The following SORBS3 variants were observed in gnomAD, a reference collection of about 807,000 sequenced individuals.
SORBS3 encodes the protein vinexin.
A neutral mutation model predicts 98.0 loss-of-function variants in SORBS3; 69 were observed. The observed-to-expected ratio is 0.70, with a 90% confidence interval of 0.58 to 0.86. SORBS3 has a LOEUF of 0.86. Ranked by LOEUF, SORBS3 falls within the 40% of genes least tolerant of loss-of-function variation. The pLI, the probability that SORBS3 is intolerant of heterozygous loss-of-function variation, is 0.00. For missense variants in SORBS3, 954 were observed against 908.5 expected (o/e 1.05, Z -0.64); for synonymous variants, 394 against 355.4 (o/e 1.11, Z -1.22).
In SORBS3 at chr8:22,558,136, A is replaced by T. The variant is rs1215082234; in HGVS notation, c.422A>T (p.Asp141Val). Residue 141 changes from aspartate to valine, a missense_variant, in exon 5 of 21, where the codon GAC becomes GTC. Coordinates refer to ENST00000240123, the MANE Select transcript of SORBS3 (RefSeq NM_005775.5). ...GMPIAPRSSVDRPRDWYRRMF... is the reference protein window; with the variant it reads ...GMPIAPRSSVVRPRDWYRRMF... ...TGCATTTTCTGATCCCAGAGCGTTG[A>T]CAGACCCAGAGACTGGTACCGGAGA... 2 of 1,614,148 alleles carry T rather than the reference A, an allele frequency of 1.2e-6. No individual in the cohort carries two copies. The highest frequency in any genetic ancestry group is 1.3e-5 in the African/African-American group (1 of 75,024).
chr8:22,571,625 C>A, intron 18 of SORBS3, 93 bp from the exon 19 acceptor site: 1 of 915,250 alleles, frequency 1.1e-6, no homozygotes, highest in African/African-American at 1.6e-5. Flanking sequence ...GGCAGGTGGA[C>A]TGGGAACGCC....
chr8:22,563,944 C>A, intron 7 of SORBS3, 43 bp from the exon 8 acceptor site: 1 of 1,486,554 alleles, frequency 6.7e-7, no homozygotes. Context: ...CTGCCTCAGT[C>A]TCCCTAAAAG....
At position 22,565,840 on chromosome 8, in the gene SORBS3, C is replaced by T; in HGVS notation, c.918C>T (p.Pro306=). The change falls in exon 12 of 21, where the codon CCC becomes CCT. Residue 306 remains proline, a synonymous_variant. Coordinates refer to ENST00000240123, the MANE Select transcript of SORBS3 (RefSeq NM_005775.5). ...TCCCCGCGCAGAGCTCGCCGGCGCC[C>T]CGACGGGCCCCGGAGCAGCGGCCCC... ...RLPSPKSSPA[P]RRAPEQRPPA... The T allele has an allele frequency of 7.7e-7, 1 of 1,297,980 alleles. No homozygotes were observed. Among genetic ancestry groups the T allele is most frequent in the Non-Finnish European group, 9.8e-7 (1 of 1,020,746 alleles). The allele number at this position is 1,297,980 out of a possible 1,614,324, so 80.4% of individuals were successfully genotyped here. A position where few individuals can be genotyped will look rare whatever the true frequency, so the allele number is the denominator to read the frequency against.
intron 5 of SORBS3, among the ~76,000 whole-genome samples, chr8:22,560,410 A>G (rs1840268244): frequency 6.6e-6 from 1 of 152,190 alleles, no homozygotes; most frequent in African/African-American, 2.4e-5. Context: ...CTGGATGCTT[A>G]GAAGTTTGAG....
intron 20 of SORBS3, 92 bp from the exon 21 acceptor site, chr8:22,574,575 T>G (rs1400095740): frequency 7.7e-7 from 1 of 1,305,740 alleles, no homozygotes; most frequent in Non-Finnish European, 1.1e-6. Flanking sequence ...CCCCTACAGT[T>G]CTGGGCACTG....
Position 22,567,184 on chromosome 8 carries a change from G to T in SORBS3, c.1305+9G>T, listed in dbSNP as rs985679387. On this transcript the variant is annotated intron_variant, in intron 16 of 20. Coordinates refer to ENST00000240123, the MANE Select transcript of SORBS3 (RefSeq NM_005775.5). ...CTGCTAATTATGTGGAGGTGAGCAG[G>T]AGAGACAAGAGCAAGTGGGGCTGGG... is the stretch of plus-strand genomic sequence containing the variant. 1 of 1,543,228 alleles carries T rather than the reference G, an allele frequency of 6.5e-7. No homozygotes were observed. The highest frequency in any genetic ancestry group is 1.4e-5 in the African/African-American group (1 of 73,614).
At position 22,567,316 on chromosome 8, in the gene SORBS3, C is replaced by T; in HGVS notation, c.1305+141C>T. ...GTCTCGGAACTGTCCTTGGCCCCCA[C>T]AGGGCTTGGCCCAATGCTGTGCATG... On this transcript the variant is annotated intron_variant, in intron 16 of 20. Transcript: ENST00000240123. 2 of 637,288 alleles carry T rather than the reference C, an allele frequency of 3.1e-6. 1 individual carries two copies. Among genetic ancestry groups the T allele is most frequent in the South Asian group, 3.7e-5 (2 of 53,378 alleles). 39.5% of individuals were successfully genotyped at this position (637,288 alleles called of 1,614,324 possible). A position where few individuals can be genotyped will look rare whatever the true frequency, so the allele number is the denominator to read the frequency against.
intron 12 of SORBS3, chr8:22,566,114 T>C: frequency 1.7e-6 from 1 of 582,568 alleles, no homozygotes; most frequent in East Asian, 3.5e-5. Context: ...CGCAGCGCGG[T>C]TAGGGCGGCC....
intron 11 of SORBS3, 176 bp from the exon 12 acceptor site, chr8:22,565,650 G>A (rs1270640695): frequency 2.9e-6 from 3 of 1,051,538 alleles, no homozygotes; most frequent in African/African-American, 1.7e-5. Context: ...GGGGACCCCC[G>A]CCCCTTCCCC....
chr8:22,551,889 G>A (rs752091), upstream of SORBS3: 308,576 of 984,908 alleles, frequency 0.31, 50,699 homozygotes, highest in East Asian at 0.47. This position sits in a 1 kb window ranked among gnomAD's most constrained non-coding sequence, Gnocchi z 5.8. Context: ...GTCCTGACCC[G>A]GTCACGAGGG....
intron 7 of SORBS3, 31 bp downstream of exon 7, chr8:22,561,962 C>G: frequency 1.2e-6 from 2 of 1,605,592 alleles, no homozygotes. Context: ...CCGAGGGCTG[C>G]GGAGGGGCGC....
In SORBS3 at chr8:22,554,265, C is replaced by T. The variant is rs1840141807; in HGVS notation, c.-55-187C>T. On this transcript the variant is annotated intron_variant, in intron 1 of 20. Transcript: ENST00000240123. The surrounding 1 kb of genome is among the most constrained non-coding windows in gnomAD (Gnocchi z 6.5). ...AGTGGTCCATTGTGCCCCTGGGAGC[C>T]GGCAGGCACGGGCAGCCTGCAGGCG... 1 of 490,154 alleles carries T rather than the reference C, an allele frequency of 2.0e-6. No homozygotes were observed. The allele number at this position is 490,154 out of a possible 1,614,324, so 30.4% of individuals were successfully genotyped here.
At position 22,574,791 on chromosome 8, in the gene SORBS3, G is replaced by C. The variant is rs774764584; in HGVS notation, c.*63G>C. On this transcript the variant is annotated 3_prime_UTR_variant, in exon 21 of 21. Transcript: ENST00000240123. The stretch of plus-strand genomic sequence containing the variant: ...GTGGGGAGCGGTGGCACTCGTGGGA[G>C]GGAGAGGACCCCCGCCCACATCCTC... 6.7e-7 allele frequency: 1 copy of C among 1,499,538 alleles called. No homozygotes were observed. The highest frequency in any genetic ancestry group is 9.3e-7 in the Non-Finnish European group (1 of 1,076,494). The allele number at this position is 1,499,538 out of a possible 1,614,324, so 92.9% of individuals were successfully genotyped here. A position where few individuals can be genotyped will look rare whatever the true frequency, so the allele number is the denominator to read the frequency against.
chr8:22,546,246 C>T (rs1840014769), intron 1 of SORBS3, among the ~76,000 whole-genome samples: 1 of 152,014 alleles, frequency 6.6e-6, no homozygotes, highest in Non-Finnish European at 1.5e-5. Context: ...AAGAAAACAC[C>T]CTTAAATGAT....
At chr8:22,570,006 T>G (rs1840530444) in intron 17 of SORBS3, among the ~76,000 whole-genome samples, 1 of 152,250 alleles carries the variant, frequency 6.6e-6, no homozygotes, top group African/African-American at 2.4e-5. Flanking sequence ...TAGGCAGTTC[T>G]GTGTATGCAC....
At chr8:22,564,807 T>G in intron 10 of SORBS3, 1 of 1,334,582 alleles carries the variant, frequency 7.5e-7, no homozygotes, top group East Asian at 3.1e-5. Context: ...AGCTGGACCC[T>G]TGAGAAGCTC....
At chr8:22,552,937 C>T (rs1840112786) in intron 1 of SORBS3, among the ~76,000 whole-genome samples, 1 of 152,174 alleles carries the variant, frequency 6.6e-6, no homozygotes. Context: ...GCCCTCCACT[C>T]CCCCCAGTCA....
Position 22,566,885 on chromosome 8 carries a change from C to T in SORBS3, c.1190+17C>T, listed in dbSNP as rs768918487. 2.5e-6 allele frequency: 4 copies of T among 1,603,268 alleles called. No individual in the cohort carries two copies. The East Asian group carries it at 9.1e-5, about 36-fold the overall frequency. ...GTCCCCCAAGTAAGCGCCCTCCTCC[C>T]CCTCCCCTTCCACCCAAGGCAATCT... is the stretch of plus-strand genomic sequence containing the variant. On this transcript the variant is annotated intron_variant, in intron 15 of 20. Transcript: ENST00000240123.
At chr8:22,550,595 A>G (rs956291930), upstream of SORBS3, among the ~76,000 whole-genome samples, 2 of 152,202 alleles carry the variant, frequency 1.3e-5, no homozygotes, top group African/African-American at 4.8e-5. Context: ...CTTTACCAGA[A>G]CGAGGGAGAA....
Sources: gnomAD v4.1 joint callset for allele counts (sites outside exome capture counted in the v4.1 genomes callset) on GRCh38, gnomAD v4.1.1 for gene constraint, Gnocchi (gnomAD v3.1) non-coding constraint, MANE v1.5 for transcripts, NCBI Gene and HGNC (gene_info 2026-07-23, HGNC 2026-07-21) for gene names.